Variants in DNAH11 observed in about 807,000 individuals in gnomAD.
DNAH11 encodes axonemal beta dynein heavy chain 11.
In DNAH11, 442 loss-of-function variants were observed where a neutral mutation model predicts 526.0. The observed-to-expected ratio is 0.84, with a 90% CI of 0.78 to 0.91. DNAH11 has a LOEUF of 0.91. Ranked by LOEUF, DNAH11 falls within the 40% of genes least tolerant of loss-of-function variation. The probability of loss-of-function intolerance (pLI) is 0.00; values close to 1 mark genes in which losing one functional copy is unlikely to be tolerated. For synonymous variants in DNAH11, 2,461 were observed against 1,935.9 expected (o/e 1.27, Z -7.12); for missense variants, 6,989 against 5,448.7 (o/e 1.28, Z -8.90).
Position 21,590,969 on chromosome 7 carries a change from G to A in DNAH11, c.2221G>A (p.Asp741Asn). 1 of 1,519,274 alleles carries A rather than the reference G, an allele frequency of 6.6e-7. No individual in the cohort carries two copies. Among genetic ancestry groups the A allele is most frequent in the Non-Finnish European group, 8.7e-7 (1 of 1,143,994 alleles). The allele number at this position is 1,519,274 out of a possible 1,614,324, so 94.1% of individuals were successfully genotyped here. ...ATATCTTTTGATGTTGAAGAAACAA[G>A]ACATACCAGATTCAGCTTTAGCCAT... ...VKYLLMLKKQDIPDSALAIFK... is the reference protein window; with the variant it reads ...VKYLLMLKKQNIPDSALAIFK... The change falls in exon 13 of 82, where the codon GAC (aspartate) becomes AAC (asparagine). Residue 741 changes from aspartate (D) to asparagine (N), a missense_variant. Physicochemically the swap from Asp to Asn is conservative, Grantham distance 23. Coordinates refer to ENST00000409508, the MANE Select transcript of DNAH11 (RefSeq NM_001277115.2).
chr7:21,645,692 A>G (rs1243943908), intron 28 of DNAH11, among the ~76,000 whole-genome samples: 1 of 149,824 alleles, frequency 6.7e-6, no homozygotes, highest in Non-Finnish European at 1.5e-5. Context: ...TAAAAATCAG[A>G]TATCTAAATC....
intron 3 of DNAH11, among the ~76,000 whole-genome samples, 165 bp downstream of exon 3, chr7:21,559,163 A>G (rs898455761): frequency 2.0e-5 from 3 of 152,212 alleles, no homozygotes; most frequent in African/African-American, 7.2e-5. Context: ...ATCTCCACAA[A>G]TAAAATAAAA....
chr7:21,690,063 CTT>C (rs1222574395), intron 34 of DNAH11, among the ~76,000 whole-genome samples: 1 of 152,210 alleles, frequency 6.6e-6, no homozygotes, highest in Non-Finnish European at 1.5e-5. Flanking sequence ...GCTAACATCT[CTT>C]GAGTATTTTC....
chr7:21,770,882 A>G (rs1275351916), intron 55 of DNAH11, among the ~76,000 whole-genome samples: 3 of 152,166 alleles, frequency 2.0e-5, no homozygotes, highest in African/African-American at 7.2e-5. Flanking sequence ...CAGCACTATG[A>G]AGAGCTTAGG....
At position 21,786,685 on chromosome 7, in the gene DNAH11, C is replaced by A. The variant is rs1388484044; in HGVS notation, c.9659C>A (p.Ala3220Glu). 1 of 1,613,796 alleles carries A rather than the reference C, an allele frequency of 6.2e-7. No individual in the cohort carries two copies. The highest frequency in any genetic ancestry group is 1.3e-5 in the African/African-American group (1 of 75,040). ...CCCATCGCAGTTACCAATGTTACTG[C>A]AGCCGTGATGGTCCTTCTGGCTCCT... ...NPPIAVTNVT[A>E]AVMVLLAPRG... Residue 3220 changes from alanine (A) to glutamate (E), a missense_variant, in exon 59 of 82, where the codon GCA becomes GAA. By Grantham distance (107) the Ala-to-Glu change is moderately radical. Coordinates refer to ENST00000409508, the MANE Select transcript of DNAH11 (RefSeq NM_001277115.2).
chr7:21,868,276 C>T (rs1783363260), intron 72 of DNAH11, among the ~76,000 whole-genome samples: 1 of 152,098 alleles, frequency 6.6e-6, no homozygotes, highest in African/African-American at 2.4e-5. Context: ...GGGCAATTTT[C>T]CACATGCTCA....
At position 21,559,801 on chromosome 7, in the gene DNAH11, A is replaced by C. The variant is rs767364968; in HGVS notation, c.882+9A>C. Reference sequence around the variant, plus strand: ...CATGCATTTATGATCAAGTAAGTAGATAGCCCTAGAAATTATAAATTAAAT... The same window carrying C: ...CATGCATTTATGATCAAGTAAGTAGCTAGCCCTAGAAATTATAAATTAAAT... On this transcript the variant is annotated intron_variant, in intron 4 of 81. Transcript: ENST00000409508. The C allele has an allele frequency of 6.3e-7, 1 of 1,580,854 alleles. No homozygotes were observed. Among genetic ancestry groups the C allele is most frequent in the South Asian group, 1.2e-5 (1 of 86,458 alleles).
intron 79 of DNAH11, among the ~76,000 whole-genome samples, chr7:21,897,097 G>A (rs57910435): frequency 0.012 from 1,808 of 152,094 alleles, 35 homozygotes; most frequent in African/African-American, 0.038. Context: ...ATATTTCATC[G>A]TCCATAATTA....
At chr7:21,704,787 A>C (rs1262082064) in intron 38 of DNAH11, among the ~76,000 whole-genome samples, 159 bp downstream of exon 38, 1 of 152,238 alleles carries the variant, frequency 6.6e-6, no homozygotes, top group Non-Finnish European at 1.5e-5. Flanking sequence ...TTAAGTAAAC[A>C]TAAGTAAACA....
At chr7:21,818,653 A>G (rs193149969) in intron 65 of DNAH11, among the ~76,000 whole-genome samples, 102 of 152,300 alleles carry the variant, frequency 6.7e-4, no homozygotes, top group African/African-American at 2.3e-3. Flanking sequence ...TTTGCAGAAC[A>G]CCTTGAATAG....
chr7:21,747,970 C>T (rs1352355771), intron 51 of DNAH11, among the ~76,000 whole-genome samples: 3 of 152,162 alleles, frequency 2.0e-5, no homozygotes, highest in African/African-American at 7.2e-5. Context: ...AACACAAGGC[C>T]TTTGCATATA....
Position 21,807,936 on chromosome 7 carries a change from C to T in DNAH11, c.10219C>T (p.Leu3407Phe). The T allele has an allele frequency of 6.2e-7, 1 of 1,609,724 alleles. No homozygotes were observed. The highest frequency in any genetic ancestry group is 1.7e-4 in the Middle Eastern group (1 of 5,816). The change falls in exon 63 of 82, where the codon CTC becomes TTC. Residue 3407 changes from leucine to phenylalanine, a missense_variant. Transcript: ENST00000409508. Reference sequence around the variant, plus strand: ...GTCCTTTGAAGCTCAAGAGAAGACACTCTGTGGAGATGTTCTTCTCACGGC... The same window carrying T: ...GTCCTTTGAAGCTCAAGAGAAGACATTCTGTGGAGATGTTCTTCTCACGGC... ...IKSFEAQEKT[L>F]CGDVLLTAAF...
rs778954486 is a variant in DNAH11, at chr7:21,901,229, G to A, written c.13526G>A (p.Gly4509Glu). The A allele has an allele frequency of 6.2e-7, 1 of 1,609,832 alleles. No homozygotes were observed. The highest frequency in any genetic ancestry group is 8.5e-7 in the Non-Finnish European group (1 of 1,177,978). Residue 4509 changes from glycine to glutamate, a missense_variant, in exon 82 of 82, where the codon GGA (glycine) becomes GAA (glutamate). Physicochemically the swap from Gly to Glu is moderately conservative, Grantham distance 98. Transcript: ENST00000409508. ...AAGACTGCAAAATGGGTTCTGGCTG[G>A]AGTGGCTCTGCTTCTAGAAGCGTAA... is the stretch of plus-strand genomic sequence containing the variant. The part of the protein sequence containing the change: ...EEKTAKWVLA[G>E]VALLLEA
chr7:21,866,782 C>A, intron 71 of DNAH11, 119 bp downstream of exon 71: 1 of 1,113,762 alleles, frequency 9.0e-7, no homozygotes, highest in Non-Finnish European at 1.2e-6. Flanking sequence ...AGTGATTCTG[C>A]TGAGATTTTG....
intron 30 of DNAH11, among the ~76,000 whole-genome samples, chr7:21,679,876 TA>T (rs1783066877): frequency 6.6e-6 from 1 of 152,200 alleles, no homozygotes; most frequent in African/African-American, 2.4e-5. Context: ...TAAAAAATTT[TA>T]TTATTATTAT....
At chr7:21,673,147 T>G (rs1009109582) in intron 30 of DNAH11, among the ~76,000 whole-genome samples, 18 of 152,188 alleles carry the variant, frequency 1.2e-4, no homozygotes, top group Non-Finnish European at 2.6e-4. Context: ...CTGAGTTATC[T>G]CTCTCTACTT....
rs757299381 is a variant in DNAH11, at chr7:21,638,939, G to A, written c.4818G>A (p.Arg1606=). 2 of 1,605,060 alleles carry A rather than the reference G, an allele frequency of 1.2e-6. No homozygotes were observed. The highest frequency in any genetic ancestry group is 2.2e-5 in the East Asian group (1 of 44,750). Reference sequence around the variant, plus strand: ...TTAAAAACATTTTTCATTCATGTAGGCTTTCTCTTTGTGAAAAAGCTCTCG... The same window carrying A: ...TTAAAAACATTTTTCATTCATGTAGACTTTCTCTTTGTGAAAAAGCTCTCG... ...LYEKLKDLQS[R]LSLCEKALAE... Residue 1606 remains arginine, a splice_region_variant and synonymous_variant, in exon 28 of 82, where the codon AGG becomes AGA. Coordinates refer to ENST00000409508, the MANE Select transcript of DNAH11 (RefSeq NM_001277115.2).
At chr7:21,814,464 A>G (rs1181412210) in intron 63 of DNAH11, among the ~76,000 whole-genome samples, 1 of 149,908 alleles carries the variant, frequency 6.7e-6, no homozygotes, top group African/African-American at 2.4e-5. Context: ...CACTGCACCC[A>G]CTAACTCGTC....
chr7:21,841,495 C>T (rs1206947058), intron 65 of DNAH11, among the ~76,000 whole-genome samples: 1 of 152,122 alleles, frequency 6.6e-6, no homozygotes, highest in African/African-American at 2.4e-5. Flanking sequence ...TGCACACGTT[C>T]CCCATGTCTG....
Sources: allele counts gnomAD v4.1 joint callset (sites outside exome capture counted in the v4.1 genomes callset), GRCh38; gene constraint gnomAD v4.1.1; transcripts MANE v1.5; gene names NCBI Gene and HGNC (gene_info 2026-07-23, HGNC 2026-07-21).